The following GFM1 variants were observed in gnomAD, a reference collection of about 807,000 sequenced individuals.
GFM1 encodes elongation factor G, mitochondrial.
Under a neutral mutation model 96.2 loss-of-function variants are expected in GFM1, and 62 were observed. The observed-to-expected ratio is 0.64, with a 90% confidence interval of 0.53 to 0.80. The LOEUF (loss-of-function observed/expected upper bound fraction) is 0.80, where lower values mean the gene tolerates loss of function less well. Among genes scored for constraint, GFM1 ranks in the 30% least tolerant of loss-of-function variants. The probability of loss-of-function intolerance (pLI) is 0.00; values close to 1 mark genes in which losing one functional copy is unlikely to be tolerated. For missense variants in GFM1, 852 were observed against 916.6 expected, an observed-to-expected ratio of 0.93 and a Z score of 0.91; for synonymous variants, 282 against 312.9, an observed-to-expected ratio of 0.90 and a Z score of 1.04.
rs1227414946 is a variant in GFM1 at position 158,658,909 on chromosome 3, T to C, written c.1084-13T>C. The C allele has an allele frequency of 6.2e-7, 1 of 1,613,936 alleles. No homozygotes were observed. Among genetic ancestry groups the C allele is most frequent in the Non-Finnish European group, 8.5e-7 (1 of 1,179,910 alleles). The stretch of plus-strand genomic sequence containing the variant: ...TTTTATTCTTCCTGCCCTTACCCAA[T>C]CTTGACTTCTAGGTAGGTCGATTTG... On this transcript the variant is annotated splice_polypyrimidine_tract_variant and intron_variant, in intron 8 of 17. Coordinates refer to ENST00000486715, the MANE Select transcript of GFM1 (RefSeq NM_024996.7).
At chr3:158,678,811 A>G (rs1725121313) in intron 13 of GFM1, among the ~76,000 whole-genome samples, 1 of 152,234 alleles carries the variant, frequency 6.6e-6, no homozygotes, top group African/African-American at 2.4e-5. Context: ...AGCGTCACAT[A>G]CAACAGAGAA....
In GFM1 at chr3:158,646,074, C is replaced by T. The variant is rs1240083460; in HGVS notation, c.235-91C>T. On this transcript the variant is annotated intron_variant, in intron 2 of 17. Coordinates refer to ENST00000486715, the MANE Select transcript of GFM1 (RefSeq NM_024996.7). ...CTGGGATTATAGGCATGAGCCACTG[C>T]ACCTGGCAACTGTTTCCATTTCAGT... The T allele has an allele frequency of 3.3e-6, 5 of 1,500,572 alleles. 1 individual carries two copies. In the South Asian group the frequency reaches 5.7e-5, roughly 17 times the overall value. The allele number at this position is 1,500,572 out of a possible 1,614,324, so 93.0% of individuals were successfully genotyped here.
At position 158,691,847 on chromosome 3, in the gene GFM1, A is replaced by G. The variant is rs1035762656; in HGVS notation, c.*380A>G. The G allele has an allele frequency of 1.0e-5, 2 of 194,704 alleles. No homozygotes were observed. The highest frequency in any genetic ancestry group is 4.8e-5 in the African/African-American group (2 of 41,742). The allele number at this position is 194,704 out of a possible 1,614,324, so 12.1% of individuals were successfully genotyped here. ...AGTTTTCAACATAGAGAAAAGCTGA[A>G]AAAATGCAAAGAATAACCACATACT... On this transcript the variant is annotated 3_prime_UTR_variant, in exon 18 of 18. Coordinates refer to ENST00000486715, the MANE Select transcript of GFM1 (RefSeq NM_024996.7).
chr3:158,655,082 C>T (rs1722633436), intron 8 of GFM1, among the ~76,000 whole-genome samples: 1 of 152,018 alleles, frequency 6.6e-6, no homozygotes, highest in Non-Finnish European at 1.5e-5. Flanking sequence ...GAAATATGTC[C>T]TAAGGAACTA....
chr3:158,687,879 A>G (rs925499989), intron 15 of GFM1, among the ~76,000 whole-genome samples: 3 of 152,314 alleles, frequency 2.0e-5, no homozygotes, highest in Admixed American at 6.5e-5. Context: ...AGACAAAAAT[A>G]TAAAAGTCAG....
chr3:158,659,024 C>A lies in GFM1; in HGVS notation c.1186C>A (p.Gln396Lys). 1 of 1,614,180 alleles carries A rather than the reference C, an allele frequency of 6.2e-7. No individual in the cohort carries two copies. Among genetic ancestry groups the A allele is most frequent in the Non-Finnish European group, 8.5e-7 (1 of 1,180,030 alleles). The change falls in exon 9 of 18, where the codon CAA becomes AAA. Residue 396 changes from glutamine to lysine, a missense_variant. Gln to Lys is a moderately conservative substitution (Grantham distance 53). Coordinates refer to ENST00000486715, the MANE Select transcript of GFM1 (RefSeq NM_024996.7). ...NTRTRKKVRL[Q>K]RLARMHADMM... ...AAGGACAAGAAAGAAAGTACGGTTGCAACGGCTGGCTCGCATGCATGCCGA... is the reference window on the plus strand; with the variant it reads ...AAGGACAAGAAAGAAAGTACGGTTGAAACGGCTGGCTCGCATGCATGCCGA...
intron 13 of GFM1, chr3:158,669,731 G>C: frequency 1.1e-6 from 1 of 946,268 alleles, no homozygotes; most frequent in East Asian, 2.6e-5. Flanking sequence ...AGACTTCAAA[G>C]TGCTTGTTTT....
At chr3:158,666,805 T>G in intron 13 of GFM1, 1 of 1,518,106 alleles carries the variant, frequency 6.6e-7, no homozygotes. Flanking sequence ...AAAACGTAGT[T>G]GGGTTTATGT....
At position 158,666,285 on chromosome 3, in the gene GFM1, T is replaced by C. The variant is rs762729391; in HGVS notation, c.1519-19T>C. The C allele has an allele frequency of 2.5e-6, 4 of 1,582,350 alleles. No individual in the cohort carries two copies. Among genetic ancestry groups the C allele is most frequent in the Non-Finnish European group, 3.5e-6 (4 of 1,152,620 alleles). The stretch of plus-strand genomic sequence containing the variant: ...TTTATTTTTTTAAATTTAAATAATA[T>C]TTTCCCCACTCTTTTTAGAGGCTGG... On this transcript the variant is annotated intron_variant, in intron 12 of 17. Coordinates refer to ENST00000486715, the MANE Select transcript of GFM1 (RefSeq NM_024996.7).
At position 158,665,491 on chromosome 3, in the gene GFM1, A is replaced by G; in HGVS notation, c.1518+17A>G. On this transcript the variant is annotated intron_variant, in intron 12 of 17. Transcript: ENST00000486715. The stretch of plus-strand genomic sequence containing the variant: ...TATGCTCAGGTAATGAATAATAAGG[A>G]AGTTAAGTTGAAATCAATTTATTAC... 1 of 1,600,214 alleles carries G rather than the reference A, an allele frequency of 6.2e-7. No individual in the cohort carries two copies. The highest frequency in any genetic ancestry group is 8.6e-7 in the Non-Finnish European group (1 of 1,168,172).
chr3:158,668,971 A>T (rs770930621), intron 13 of GFM1: 1 of 1,558,586 alleles, frequency 6.4e-7, no homozygotes, highest in East Asian at 2.3e-5. Flanking sequence ...CCCCATTAAT[A>T]GTGTATTTTA....
intron 14 of GFM1, among the ~76,000 whole-genome samples, chr3:158,684,302 C>T (rs767850539): frequency 1.8e-4 from 27 of 151,922 alleles, no homozygotes; most frequent in Non-Finnish European, 3.4e-4. Flanking sequence ...ACCCCCATGA[C>T]ATAAGTTTAC....
chr3:158,675,348 T>C (rs1412697818), intron 13 of GFM1, among the ~76,000 whole-genome samples: 1 of 149,884 alleles, frequency 6.7e-6, no homozygotes, highest in African/African-American at 2.4e-5. Flanking sequence ...TTAAACATGA[T>C]TTAATGATTT....
chr3:158,660,778 T>A (rs1723139545), intron 9 of GFM1, 96 bp from the exon 10 acceptor site: 2 of 1,002,226 alleles, frequency 2.0e-6, no homozygotes, highest in African/African-American at 3.2e-5. Context: ...CACGCTTTTT[T>A]ATATACAATG....
At chr3:158,690,090 C>T (rs1726179802) in intron 15 of GFM1, 73 bp from the exon 16 acceptor site, 1 of 1,330,080 alleles carries the variant, frequency 7.5e-7, no homozygotes, top group Non-Finnish European at 1.1e-6. Context: ...CATTTTTCTC[C>T]CTTTTTTATA....
At chr3:158,666,024 A>C (rs983300361) in intron 12 of GFM1, among the ~76,000 whole-genome samples, 1 of 152,208 alleles carries the variant, frequency 6.6e-6, no homozygotes, top group Non-Finnish European at 1.5e-5. Flanking sequence ...TATTCCAGTG[A>C]ATATGTAATA....
intron 4 of GFM1, 97 bp downstream of exon 4, chr3:158,647,044 C>A: frequency 1.0e-6 from 1 of 983,490 alleles, no homozygotes; most frequent in Non-Finnish European, 1.6e-6. Flanking sequence ...AAACTTTATT[C>A]TTAAATTTAG....
At chr3:158,672,670 G>A in intron 13 of GFM1, 1 of 586,410 alleles carries the variant, frequency 1.7e-6, no homozygotes, top group Non-Finnish European at 2.9e-6. Flanking sequence ...CCCTGCATCC[G>A]AGAGCCCTGG....
intron 13 of GFM1, among the ~76,000 whole-genome samples, chr3:158,675,466 T>A (rs1375268909): frequency 6.6e-5 from 10 of 151,966 alleles, no homozygotes; most frequent in Non-Finnish European, 1.5e-4. Context: ...TAAAGTTGAT[T>A]ATATGTCTTC....
Sources: allele counts gnomAD v4.1 joint callset (sites outside exome capture counted in the v4.1 genomes callset), GRCh38; gene constraint gnomAD v4.1.1; transcripts MANE v1.5; gene names NCBI Gene and HGNC (gene_info 2026-07-23, HGNC 2026-07-21).